The following EYS variants were observed in gnomAD, a reference collection of about 807,000 sequenced individuals.
EYS encodes the protein EGF-like photoreceptor maintenance factor.
Under a neutral mutation model 282.1 loss-of-function variants are expected in EYS, and 250 were observed. The observed-to-expected ratio is 0.89, with a 90% CI of 0.80 to 0.98. The LOEUF (loss-of-function observed/expected upper bound fraction) is 0.98. Among genes scored for constraint, EYS ranks in the 50% least tolerant of loss-of-function variants. The pLI, the probability that EYS is intolerant of heterozygous loss-of-function variation, is 0.00. For missense variants in EYS, 4,016 were observed against 3,709.0 expected (o/e 1.08, Z -2.15); for synonymous variants, 1,355 against 1,282.9 (o/e 1.06, Z -1.20).
chr6:65,545,038 CT>C (rs1284985217), intron 2 of EYS, among the ~76,000 whole-genome samples: 3 of 152,012 alleles, frequency 2.0e-5, no homozygotes, highest in East Asian at 3.9e-4. Context: ...TCTAATTTTG[CT>C]TTAAAAATAA....
At chr6:64,683,744 G>C (rs1769985958) in intron 22 of EYS, among the ~76,000 whole-genome samples, 1 of 152,076 alleles carries the variant, frequency 6.6e-6, no homozygotes, top group Admixed American at 6.6e-5. Flanking sequence ...TGCAACTTAG[G>C]CATGTTAGCT....
intron 1 of EYS, among the ~76,000 whole-genome samples, chr6:65,663,404 A>G (rs1404588089): frequency 1.3e-5 from 2 of 152,186 alleles, no homozygotes; most frequent in African/African-American, 4.8e-5. Context: ...TCATCAGGCT[A>G]TAGTCCCATT....
intron 7 of EYS, among the ~76,000 whole-genome samples, chr6:65,390,623 T>C (rs954647630): frequency 6.6e-6 from 1 of 151,862 alleles, no homozygotes; most frequent in African/African-American, 2.4e-5. Context: ...GTGGCTTATA[T>C]CTGTAATCCC....
chr6:64,439,319 T>C lies in EYS; in HGVS notation c.5678A>G (p.Tyr1893Cys). The C allele has an allele frequency of 6.6e-7, 1 of 1,515,240 alleles. No homozygotes were observed. The highest frequency in any genetic ancestry group is 1.4e-5 in the African/African-American group (1 of 70,712). The allele number at this position is 1,515,240 out of a possible 1,614,324, so 93.9% of individuals were successfully genotyped here. A position where few individuals can be genotyped will look rare whatever the true frequency, so the allele number is the denominator to read the frequency against. The change falls in exon 27 of 43, where the codon TAT (tyrosine) becomes TGT (cysteine). Residue 1893 changes from tyrosine to cysteine, a missense_variant. Transcript: ENST00000503581. ...TAAAGCCACATTCTGAAATTCTAGA[T>C]AAGAATCTCCATAATAACGAACACA... is the stretch of plus-strand genomic sequence containing the variant. Reference protein sequence around the residue: ...FSCVRYYGDSYLEFQNVALNP... With the variant: ...FSCVRYYGDSCLEFQNVALNP...
At chr6:64,774,405 T>G (rs987491764) in intron 22 of EYS, among the ~76,000 whole-genome samples, 1 of 151,914 alleles carries the variant, frequency 6.6e-6, no homozygotes, top group Non-Finnish European at 1.5e-5. Flanking sequence ...CTCCACTCAA[T>G]CTGGGAGCAC....
At chr6:64,164,294 C>A (rs1020230022) in intron 31 of EYS, among the ~76,000 whole-genome samples, 2 of 152,038 alleles carry the variant, frequency 1.3e-5, no homozygotes, top group Admixed American at 1.3e-4. Context: ...ATTTTTATAG[C>A]TTTGCTACAG....
chr6:64,179,766 G>A (rs1175323648), intron 31 of EYS, among the ~76,000 whole-genome samples: 1 of 151,924 alleles, frequency 6.6e-6, no homozygotes, highest in Non-Finnish European at 1.5e-5. Flanking sequence ...ACAGAAATTG[G>A]TACTGAACTT....
intron 35 of EYS, among the ~76,000 whole-genome samples, chr6:63,943,109 A>G (rs1282136111): frequency 6.6e-6 from 1 of 152,212 alleles, no homozygotes; most frequent in Non-Finnish European, 1.5e-5. Flanking sequence ...GTCAAGAATC[A>G]TGTGGATTTT....
chr6:64,723,536 A>G (rs1771655589), intron 22 of EYS, among the ~76,000 whole-genome samples: 2 of 152,006 alleles, frequency 1.3e-5, no homozygotes, highest in South Asian at 2.1e-4. Context: ...TCTTACGCCC[A>G]CTCTCTTCAC....
chr6:65,054,173 G>A (rs899412040), intron 13 of EYS, among the ~76,000 whole-genome samples: 6 of 151,816 alleles, frequency 4.0e-5, no homozygotes, highest in Non-Finnish European at 7.4e-5. Context: ...AGCATTCAAA[G>A]GTTAATTCTT....
chr6:64,473,467 A>T (rs1167535949), intron 26 of EYS, among the ~76,000 whole-genome samples: 1 of 152,218 alleles, frequency 6.6e-6, no homozygotes, highest in African/African-American at 2.4e-5. Context: ...TTAAAGACTA[A>T]TGAATGAAAA....
At chr6:64,861,955 G>A (rs961792011) in intron 19 of EYS, among the ~76,000 whole-genome samples, 2 of 151,860 alleles carry the variant, frequency 1.3e-5, no homozygotes, top group South Asian at 2.1e-4. Context: ...TCTTCTCTCC[G>A]AATAATTTTT....
At chr6:65,217,081 G>A (rs912315272) in intron 12 of EYS, among the ~76,000 whole-genome samples, 3 of 151,958 alleles carry the variant, frequency 2.0e-5, no homozygotes, top group African/African-American at 7.2e-5. Flanking sequence ...CCAGGTGAAT[G>A]AGGCAATCAA....
chr6:63,974,544 A>G (rs758404936), intron 35 of EYS, among the ~76,000 whole-genome samples: 3 of 151,978 alleles, frequency 2.0e-5, no homozygotes, highest in Non-Finnish European at 4.4e-5. Flanking sequence ...TTCTCCATGT[A>G]TTATTACCTA....
At chr6:64,568,644 G>GCCTGCTCAAGTGGGTC (rs991660934) in intron 26 of EYS, among the ~76,000 whole-genome samples, 1 of 152,128 alleles carries the variant, frequency 6.6e-6, no homozygotes, top group Non-Finnish European at 1.5e-5. Context: ...GGGTCAGACT[G>GCCTGCTCAAGTGGGTC]CCTGCTCAAG....
At chr6:64,403,854 CT>C (rs1773617551) in intron 28 of EYS, among the ~76,000 whole-genome samples, 1 of 152,156 alleles carries the variant, frequency 6.6e-6, no homozygotes, top group South Asian at 2.1e-4. Context: ...CAAAAGACAC[CT>C]TCAAAATGAC....
intron 12 of EYS, among the ~76,000 whole-genome samples, chr6:65,254,245 T>A (rs530545532): frequency 2.0e-5 from 3 of 151,812 alleles, no homozygotes; most frequent in Non-Finnish European, 4.4e-5. Flanking sequence ...AGTGCACACA[T>A]AGAAAACAAC....
At chr6:64,545,838 A>G (rs1369031210) in intron 26 of EYS, among the ~76,000 whole-genome samples, 2 of 152,212 alleles carry the variant, frequency 1.3e-5, no homozygotes, top group Admixed American at 1.3e-4. Context: ...CTCTTCAAGG[A>G]GAACTATAAA....
At chr6:65,150,414 A>G (rs1285975223) in intron 12 of EYS, among the ~76,000 whole-genome samples, 2 of 152,014 alleles carry the variant, frequency 1.3e-5, no homozygotes, top group African/African-American at 4.8e-5. Flanking sequence ...CAAGATATCT[A>G]TGCCCAATTA....
Sources: allele counts gnomAD v4.1 joint callset (sites outside exome capture counted in the v4.1 genomes callset), GRCh38; gene constraint gnomAD v4.1.1; transcripts MANE v1.5; gene names NCBI Gene and HGNC (gene_info 2026-07-23, HGNC 2026-07-21).